The following PCDHGA7 variants were observed in gnomAD, a reference collection of about 807,000 sequenced individuals.
PCDHGA7 encodes the protein protocadherin gamma subfamily A, 7.
In PCDHGA7, 44 loss-of-function variants were observed where a neutral mutation model predicts 58.3. The ratio of observed to expected loss-of-function variants is 0.75; its 90% CI spans 0.59 to 0.97. The LOEUF (loss-of-function observed/expected upper bound fraction) is 0.97, where lower values mean the gene tolerates loss of function less well. PCDHGA7 is among the 50% of genes least tolerant of loss of function. PCDHGA7 has a pLI of 0.00. For missense variants in PCDHGA7, 1,266 were observed against 1,188.7 expected, an observed-to-expected ratio of 1.06 and a Z score of -0.96; for synonymous variants, 516 against 504.2, an observed-to-expected ratio of 1.02 and a Z score of -0.31.
At chr5:141,408,557 G>A in intron 1 of PCDHGA7, 6 of 1,614,046 alleles carry the variant, frequency 3.7e-6, no homozygotes, top group Non-Finnish European at 5.1e-6. Flanking sequence ...TATTTTTCAT[G>A]TCATTGTGGT....
intron 1 of PCDHGA7, among the ~76,000 whole-genome samples, chr5:141,461,415 T>C (rs2099015091): frequency 6.6e-6 from 1 of 152,152 alleles, no homozygotes; most frequent in Non-Finnish European, 1.5e-5. Flanking sequence ...TTTCATATGT[T>C]TGTGGGCCAT....
At chr5:141,483,064 A>G (rs1245942485) in intron 1 of PCDHGA7, among the ~76,000 whole-genome samples, 2 of 152,142 alleles carry the variant, frequency 1.3e-5, no homozygotes, top group Non-Finnish European at 2.9e-5. Context: ...CAGCATGGGC[A>G]ACAGAGAGAG....
chr5:141,475,852 G>A, intron 1 of PCDHGA7: 1 of 467,402 alleles, frequency 2.1e-6, no homozygotes, highest in East Asian at 3.7e-5. Context: ...AGAGCCCGGC[G>A]CTAGCTCATT....
At chr5:141,478,279 G>A (rs2099443292) in intron 1 of PCDHGA7, 1 of 1,614,202 alleles carries the variant, frequency 6.2e-7, no homozygotes, top group Middle Eastern at 1.6e-4. Context: ...ACAAGTGGAA[G>A]CAGTCTAGAG....
At chr5:141,394,821 G>A (rs2093106496) in intron 1 of PCDHGA7, 2 of 1,613,744 alleles carry the variant, frequency 1.2e-6, no homozygotes, top group East Asian at 2.2e-5. Flanking sequence ...CAGCATCCCC[G>A]AAGTCCTGAC....
intron 1 of PCDHGA7, chr5:141,404,332 C>T (rs1257075931): frequency 6.2e-7 from 1 of 1,613,916 alleles, no homozygotes; most frequent in East Asian, 2.2e-5. Context: ...ACTCAGTCTA[C>T]CTCCCGGAAA....
chr5:141,456,263 T>C (rs2098847567), intron 1 of PCDHGA7, among the ~76,000 whole-genome samples: 2 of 152,292 alleles, frequency 1.3e-5, no homozygotes, highest in South Asian at 2.1e-4. Flanking sequence ...CCATTGCTTC[T>C]GGCTACTTCC....
In PCDHGA7 at chr5:141,433,401, A is replaced by ATCTC. The variant is rs1554126038; in HGVS notation, c.2424+48081_2424+48082insCTCT. On this transcript the variant is annotated intron_variant, in intron 1 of 3. Transcript: ENST00000518325. ...TATCTATCTATCTATCTATCTATCT[A>ATCTC]TCTATTACTTTCTTGTACAGACAGG... Among the ~76,000 whole-genome samples, 677 of 150,598 alleles carry ATCTC rather than the reference A, an allele frequency of 4.5e-3. 6 individuals are homozygous for ATCTC. Among genetic ancestry groups the ATCTC allele is most frequent in the African/African-American group, 0.015 (630 of 40,958 alleles).
At chr5:141,504,288 GT>G (rs1175142876) in intron 2 of PCDHGA7, among the ~76,000 whole-genome samples, 1 of 152,124 alleles carries the variant, frequency 6.6e-6, no homozygotes, top group Non-Finnish European at 1.5e-5. Flanking sequence ...ATCATTTCAT[GT>G]TTTTTCAACA....
chr5:141,461,732 A>G (rs945368729), intron 1 of PCDHGA7, among the ~76,000 whole-genome samples: 5 of 152,154 alleles, frequency 3.3e-5, no homozygotes, highest in Non-Finnish European at 5.9e-5. Context: ...GTGCAGTGGC[A>G]CAATCCCGGC....
intron 1 of PCDHGA7, among the ~76,000 whole-genome samples, chr5:141,439,190 C>CAAA (rs200519543): frequency 1.8e-5 from 2 of 111,760 alleles, no homozygotes; most frequent in African/African-American, 6.3e-5. Context: ...GAGACTCTGA[C>CAAA]AAAAAAAAAA....
At chr5:141,419,276 CAA>C in intron 1 of PCDHGA7, 4 of 1,614,038 alleles carry the variant, frequency 2.5e-6, no homozygotes, top group Non-Finnish European at 3.4e-6. Flanking sequence ...CTCCATAGCG[CAA>C]GTCAGTGCCT....
intron 1 of PCDHGA7, chr5:141,404,997 C>T: frequency 6.2e-7 from 1 of 1,614,034 alleles, no homozygotes; most frequent in East Asian, 2.2e-5. Flanking sequence ...CAGATCCCTG[C>T]AGACCTGGAG....
chr5:141,486,287 A>G lies in PCDHGA7; in HGVS notation c.2425-8520A>G, dbSNP rs1484787777. Reference sequence around the variant, plus strand: ...AGAACCTGGCACTGTGGTGGCACTTATCAGTGTGCAGGATCCAGACTCAGG... The same window carrying G: ...AGAACCTGGCACTGTGGTGGCACTTGTCAGTGTGCAGGATCCAGACTCAGG... On this transcript the variant is annotated intron_variant, in intron 1 of 3. Transcript: ENST00000518325. The surrounding 1 kb of genome is among the most constrained non-coding windows in gnomAD (Gnocchi z 5.0). 1 of 1,613,912 alleles carries G rather than the reference A, an allele frequency of 6.2e-7. No homozygotes were observed. The highest frequency in any genetic ancestry group is 8.5e-7 in the Non-Finnish European group (1 of 1,179,970).
chr5:141,382,810 C>T lies in PCDHGA7; in HGVS notation c.-90C>T. 3 of 1,162,786 alleles carry T rather than the reference C, an allele frequency of 2.6e-6. No individual in the cohort carries two copies. The highest frequency in any genetic ancestry group is 3.7e-6 in the Non-Finnish European group (3 of 820,800). 72.0% of individuals were successfully genotyped at this position (1,162,786 alleles called of 1,614,324 possible). On this transcript the variant is annotated 5_prime_UTR_variant, in exon 1 of 4. Transcript: ENST00000518325. ...TCTATCCTGCTGGATTCTGAGCTCCCCTTCCTAAGACAGAGGGGTCCACCC... is the reference window on the plus strand; with the variant it reads ...TCTATCCTGCTGGATTCTGAGCTCCTCTTCCTAAGACAGAGGGGTCCACCC...
At chr5:141,450,006 C>CTTT (rs1554136305) in intron 1 of PCDHGA7, among the ~76,000 whole-genome samples, 1 of 132,986 alleles carries the variant, frequency 7.5e-6, no homozygotes, top group Non-Finnish European at 1.6e-5. Context: ...TGCCATGTCT[C>CTTT]TTTTTTTTTT....
chr5:141,478,372 G>A (rs778468803), intron 1 of PCDHGA7: 2 of 1,613,704 alleles, frequency 1.2e-6, no homozygotes, highest in Non-Finnish European at 8.5e-7. Flanking sequence ...GAGGCCTGAT[G>A]TCGCCGCACC....
At chr5:141,411,958 GAT>G (rs1485546812) in intron 1 of PCDHGA7, 1 of 152,192 alleles carries the variant, frequency 6.6e-6, no homozygotes, top group African/African-American at 2.4e-5. Flanking sequence ...GAAGAAAAAA[GAT>G]AAAATCTTTG....
rs769232324 is a variant in PCDHGA7, at chr5:141,423,034, G to T, written c.2424+37711G>T. 4 of 1,614,082 alleles carry T rather than the reference G, an allele frequency of 2.5e-6. No individual in the cohort carries two copies. In the African/African-American group the frequency reaches 4.0e-5, roughly 16 times the overall value. On this transcript the variant is annotated intron_variant, in intron 1 of 3. Coordinates refer to ENST00000518325, the MANE Select transcript of PCDHGA7 (RefSeq NM_018920.4). ...GGTGGACAAAGATTCAGGCCAGAAC[G>T]CCTGGCTGTCCTATCGCCTGCTTAA...
Sources: allele counts gnomAD v4.1 joint callset (sites outside exome capture counted in the v4.1 genomes callset), GRCh38; gene constraint gnomAD v4.1.1; non-coding constraint Gnocchi (gnomAD v3.1); transcripts MANE v1.5; gene names NCBI Gene and HGNC (gene_info 2026-07-23, HGNC 2026-07-21).